The following VSNL1 variants were observed in gnomAD, a reference collection of about 807,000 sequenced individuals.
VSNL1 encodes the protein visinin-like protein 1.
Under a neutral mutation model 20.4 loss-of-function variants are expected in VSNL1, and 6 were observed. The ratio of observed to expected loss-of-function variants is 0.29; its 90% CI spans 0.16 to 0.58. The LOEUF (loss-of-function observed/expected upper bound fraction) is 0.58, where lower values mean the gene tolerates loss of function less well. VSNL1 is among the 20% of genes least tolerant of loss of function. The pLI is 0.90. For synonymous variants in VSNL1, 93 were observed against 86.4 expected, an observed-to-expected ratio of 1.08 and a Z score of -0.42; for missense variants, 100 against 234.5, an observed-to-expected ratio of 0.43 and a Z score of 3.75.
intron 1 of VSNL1, among the ~76,000 whole-genome samples, chr2:17,585,693 C>A (rs1199685853): frequency 6.6e-6 from 1 of 152,172 alleles, no homozygotes; most frequent in Non-Finnish European, 1.5e-5. Context: ...AATTCATCAC[C>A]TTCCTGAGCC....
intron 1 of VSNL1, among the ~76,000 whole-genome samples, chr2:17,560,620 C>T (rs551611513): frequency 1.8e-4 from 28 of 152,132 alleles, no homozygotes; most frequent in Middle Eastern, 3.4e-3. Flanking sequence ...AAATGAATTT[C>T]GGGCATATTA....
chr2:17,543,463 G>T (rs978990385), intron 1 of VSNL1, among the ~76,000 whole-genome samples: 13 of 152,214 alleles, frequency 8.5e-5, no homozygotes, highest in Admixed American at 2.0e-4. Context: ...TTCGTGGAGT[G>T]AGGAAGCTGC....
chr2:17,550,230 A>G (rs1663500334), intron 1 of VSNL1, among the ~76,000 whole-genome samples: 1 of 152,184 alleles, frequency 6.6e-6, no homozygotes, highest in Admixed American at 6.5e-5. Flanking sequence ...ATCTGCTAAA[A>G]TATGTCCCCT....
chr2:17,587,329 T>G (rs1664497960), intron 1 of VSNL1, among the ~76,000 whole-genome samples: 1 of 144,398 alleles, frequency 6.9e-6, no homozygotes, highest in Admixed American at 7.0e-5. Context: ...ATACAGTAGG[T>G]AAGAGACAGG....
intron 1 of VSNL1, among the ~76,000 whole-genome samples, chr2:17,569,600 G>A (rs907566085): frequency 1.3e-5 from 2 of 151,838 alleles, no homozygotes; most frequent in African/African-American, 2.4e-5. Context: ...TTTTTCATCC[G>A]TTACCTCACT....
intron 1 of VSNL1, among the ~76,000 whole-genome samples, chr2:17,575,052 C>A (rs1283672740): frequency 1.3e-5 from 2 of 152,090 alleles, no homozygotes; most frequent in African/African-American, 4.8e-5. Context: ...TGGTCTCAAG[C>A]TTCTGGACTC....
chr2:17,656,585 T>C lies in VSNL1; in HGVS notation c.*1191T>C, dbSNP rs946661463. On this transcript the variant is annotated 3_prime_UTR_variant, in exon 4 of 4. Coordinates refer to ENST00000295156, the MANE Select transcript of VSNL1 (RefSeq NM_003385.5). The stretch of plus-strand genomic sequence containing the variant: ...TAAAGTAGGCAAAAAATAACAGAAG[T>C]AGCTATTTTTAATAACAGAACAGAA... 4 of 150,976 alleles carry C rather than the reference T, an allele frequency of 2.6e-5. No individual in the cohort carries two copies. The highest frequency in any genetic ancestry group is 9.9e-5 in the African/African-American group (4 of 40,332). 9.4% of individuals were successfully genotyped at this position (150,976 alleles called of 1,614,324 possible). A position where few individuals can be genotyped will look rare whatever the true frequency, so the allele number is the denominator to read the frequency against.
chr2:17,540,364 G>C (rs1360320669), upstream of VSNL1, among the ~76,000 whole-genome samples: 1 of 152,272 alleles, frequency 6.6e-6, no homozygotes, highest in Non-Finnish European at 1.5e-5. Context: ...GGTAACCACT[G>C]GGCGTGGCGA....
chr2:17,560,580 T>C (rs1715228), intron 1 of VSNL1, among the ~76,000 whole-genome samples: 150,416 of 152,288 alleles, frequency 0.99, 74,309 homozygotes, highest in Middle Eastern at 1. Flanking sequence ...TAGAAACAAG[T>C]GAATCTGAAC....
At chr2:17,567,223 T>A (rs1663968195) in intron 1 of VSNL1, among the ~76,000 whole-genome samples, 1 of 152,082 alleles carries the variant, frequency 6.6e-6, no homozygotes, top group Non-Finnish European at 1.5e-5. Context: ...ATATTTAAAA[T>A]TTATTCAAAT....
chr2:17,598,814 C>T (rs2555079), intron 2 of VSNL1, among the ~76,000 whole-genome samples: 1 of 152,104 alleles, frequency 6.6e-6, no homozygotes, highest in Non-Finnish European at 1.5e-5. Context: ...GGCACTAAGA[C>T]AAATGCAGCA....
In VSNL1 at chr2:17,625,087, T is replaced by C. The variant is rs559003499; in HGVS notation, c.163-24323T>C. Among the ~76,000 whole-genome samples, 15 of 152,242 alleles carry C rather than the reference T, an allele frequency of 9.9e-5. No homozygotes were observed. The South Asian group carries it at 3.1e-3, about 32-fold the overall frequency. On this transcript the variant is annotated intron_variant, in intron 2 of 3. Transcript: ENST00000295156. Reference sequence around the variant, plus strand: ...GGTGGTGAATAAGTCTCACGAGCTCTGATGGTTTTATCAGGGGTTTCCGCT... The same window carrying C: ...GGTGGTGAATAAGTCTCACGAGCTCCGATGGTTTTATCAGGGGTTTCCGCT...
Position 17,655,183 on chromosome 2 carries a change from C to CT in VSNL1, c.379-8dup, listed in dbSNP as rs144020266. The CT allele has an allele frequency of 0.081, 130,683 of 1,612,882 alleles. 5,704 individuals are homozygous for CT. The highest frequency in any genetic ancestry group is 0.14 in the African/African-American group (10,620 of 74,912). ...GTTTCTGGTAATATCACCTACAATG[C>CT]TTTTTTCCCCAAGGCTATCTACAAA... On this transcript the variant is annotated splice_polypyrimidine_tract_variant and intron_variant, in intron 3 of 3. Coordinates refer to ENST00000295156, the MANE Select transcript of VSNL1 (RefSeq NM_003385.5). This position sits in a 1 kb window ranked among gnomAD's most constrained non-coding sequence, Gnocchi z 5.2.
intron 2 of VSNL1, among the ~76,000 whole-genome samples, chr2:17,639,374 A>G (rs1170854744): frequency 6.6e-6 from 1 of 152,130 alleles, no homozygotes; most frequent in Non-Finnish European, 1.5e-5. Context: ...TGCACTGCTC[A>G]TTAACATTGG....
At chr2:17,563,585 C>T (rs183364223) in intron 1 of VSNL1, among the ~76,000 whole-genome samples, 247 of 152,158 alleles carry the variant, frequency 1.6e-3, no homozygotes, top group African/African-American at 5.6e-3. Flanking sequence ...ACAGTTTTAG[C>T]TGGGCGTGGT....
chr2:17,582,574 G>T (rs1179940754), intron 1 of VSNL1, among the ~76,000 whole-genome samples: 1 of 152,102 alleles, frequency 6.6e-6, no homozygotes, highest in Non-Finnish European at 1.5e-5. Flanking sequence ...TTCTTAACTT[G>T]TTGATAGGTT....
chr2:17,572,038 G>T (rs1173504644), intron 1 of VSNL1, among the ~76,000 whole-genome samples: 4 of 152,194 alleles, frequency 2.6e-5, no homozygotes, highest in African/African-American at 9.6e-5. Flanking sequence ...GGTAATAAGA[G>T]ATAAAGCTGG....
chr2:17,560,722 A>C (rs1663793841), intron 1 of VSNL1, among the ~76,000 whole-genome samples: 1 of 152,174 alleles, frequency 6.6e-6, no homozygotes. Context: ...AGAAGCTATA[A>C]AATAATAGGG....
At chr2:17,553,313 A>T (rs929498974) in intron 1 of VSNL1, among the ~76,000 whole-genome samples, 3 of 152,176 alleles carry the variant, frequency 2.0e-5, no homozygotes, top group Non-Finnish European at 2.9e-5. Context: ...CCATATGAAA[A>T]GGCAGAAAAT....
Sources: gnomAD v4.1 joint callset for allele counts (sites outside exome capture counted in the v4.1 genomes callset) on GRCh38, gnomAD v4.1.1 for gene constraint, Gnocchi (gnomAD v3.1) non-coding constraint, MANE v1.5 for transcripts, NCBI Gene and HGNC (gene_info 2026-07-23, HGNC 2026-07-21) for gene names.